Variants in COP1 observed in about 807,000 individuals in gnomAD.
COP1 encodes COP1 E3 ubiquitin ligase.
Under a neutral mutation model 101.3 loss-of-function variants are expected in COP1, and 24 were observed. The ratio of observed to expected loss-of-function variants is 0.24; its 90% confidence interval spans 0.17 to 0.33. COP1 has a LOEUF of 0.33. Ranked by LOEUF, COP1 falls within the 10% of genes least tolerant of loss-of-function variation. The pLI, the probability that COP1 is intolerant of heterozygous loss-of-function variation, is 1.00. For missense variants in COP1, 663 were observed against 906.2 expected (o/e 0.73, Z 3.45); for synonymous variants, 347 against 341.9 (o/e 1.01, Z -0.17).
intron 11 of COP1, among the ~76,000 whole-genome samples, chr1:176,059,063 C>T (rs1488701890): frequency 6.6e-6 from 1 of 152,230 alleles, no homozygotes; most frequent in Non-Finnish European, 1.5e-5. Context: ...AGGGACCTTA[C>T]AGGTGGTTGC....
At chr1:176,118,702 G>C (rs1686607954) in intron 8 of COP1, among the ~76,000 whole-genome samples, 1 of 152,148 alleles carries the variant, frequency 6.6e-6, no homozygotes, top group Admixed American at 6.6e-5. Context: ...GCTGCAATGA[G>C]CTATGCATCG....
intron 11 of COP1, among the ~76,000 whole-genome samples, chr1:176,073,241 C>G (rs912057544): frequency 6.6e-6 from 1 of 152,122 alleles, no homozygotes; most frequent in African/African-American, 2.4e-5. Context: ...GTAACACACT[C>G]CACATTACCA....
At chr1:176,131,923 A>T (rs1390304325) in intron 8 of COP1, among the ~76,000 whole-genome samples, 1 of 151,722 alleles carries the variant, frequency 6.6e-6, no homozygotes, top group Non-Finnish European at 1.5e-5. Context: ...CTGCTAACCC[A>T]TTTAACTCTG....
intron 8 of COP1, 59 bp downstream of exon 8, chr1:176,134,951 A>G: frequency 1.6e-6 from 2 of 1,270,018 alleles, no homozygotes; most frequent in Non-Finnish European, 2.3e-6. Flanking sequence ...CTAAAGGACT[A>G]GACCATATGC....
rs1671484167 is a variant in COP1 at position 176,046,128 on chromosome 1, T to C, written c.1421+53A>G. 9 of 1,392,440 alleles carry C rather than the reference T, an allele frequency of 6.5e-6. No individual in the cohort carries two copies. The Admixed American group carries it at 1.4e-4, about 21-fold the overall frequency. The allele number at this position is 1,392,440 out of a possible 1,614,324, so 86.3% of individuals were successfully genotyped here. ...GTAAAATAATCTCATGATAATTACATATGCAAATTGTTACATCTATACTGC... is the reference window on the plus strand; with the variant it reads ...GTAAAATAATCTCATGATAATTACACATGCAAATTGTTACATCTATACTGC... On this transcript the variant is annotated intron_variant, in intron 12 of 19. Coordinates refer to ENST00000367669, the MANE Select transcript of COP1 (RefSeq NM_022457.7).
intron 18 of COP1, among the ~76,000 whole-genome samples, chr1:175,963,924 A>G (rs1425458617): frequency 1.3e-5 from 2 of 152,190 alleles, no homozygotes; most frequent in Non-Finnish European, 2.9e-5. Flanking sequence ...CATATTGCAC[A>G]ATATTTGATG....
chr1:176,185,954 C>G (rs1698391137), intron 1 of COP1, among the ~76,000 whole-genome samples: 1 of 152,014 alleles, frequency 6.6e-6, no homozygotes, highest in African/African-American at 2.4e-5. Context: ...CCTTAGAATA[C>G]AGGAATGTAA....
At chr1:176,128,588 AC>A (rs1235337890) in intron 8 of COP1, among the ~76,000 whole-genome samples, 1 of 152,004 alleles carries the variant, frequency 6.6e-6, no homozygotes, top group African/African-American at 2.4e-5. Context: ...ACAGCAAAAC[AC>A]CATGTATGTT....
At position 176,078,275 on chromosome 1, in the gene COP1, T is replaced by C. The variant is rs374134292; in HGVS notation, c.1277+2877A>G. On this transcript the variant is annotated intron_variant, in intron 11 of 19. Coordinates refer to ENST00000367669, the MANE Select transcript of COP1 (RefSeq NM_022457.7). ...TCAGGCTACAATAACCAAAACAGTA[T>C]GGCACTGGTAGGTACAAAAACAGAC... Among the ~76,000 whole-genome samples, 9 of 152,228 alleles carry C rather than the reference T, an allele frequency of 5.9e-5. No individual in the cohort carries two copies. The East Asian group carries it at 1.7e-3, about 29-fold the overall frequency.
chr1:176,144,730 A>G (rs1399076239), intron 6 of COP1, among the ~76,000 whole-genome samples: 2 of 152,158 alleles, frequency 1.3e-5, no homozygotes, highest in East Asian at 1.9e-4. Flanking sequence ...CCACACATAC[A>G]TGGACACATG....
At chr1:176,076,596 CTAG>C (rs745953751) in intron 11 of COP1, among the ~76,000 whole-genome samples, 1 of 151,832 alleles carries the variant, frequency 6.6e-6, no homozygotes, top group Admixed American at 6.6e-5. Flanking sequence ...AATCCCAAAG[CTAG>C]TAGAAGAAAA....
chr1:176,181,115 C>T (rs1697685461), intron 2 of COP1, among the ~76,000 whole-genome samples: 2 of 152,110 alleles, frequency 1.3e-5, no homozygotes, highest in Non-Finnish European at 2.9e-5. Flanking sequence ...GCTACAGATA[C>T]AGGTAACAGT....
intron 5 of COP1, among the ~76,000 whole-genome samples, chr1:176,159,662 C>T (rs756384168): frequency 4.5e-4 from 68 of 152,132 alleles, no homozygotes; most frequent in Non-Finnish European, 4.0e-4. Flanking sequence ...ATATGAACCT[C>T]AAAAAGTAAA....
chr1:176,122,006 G>A (rs1647151970), intron 8 of COP1, among the ~76,000 whole-genome samples: 1 of 151,978 alleles, frequency 6.6e-6, no homozygotes, highest in Admixed American at 6.6e-5. Context: ...CGGGCATGGT[G>A]GCGGGCGCCT....
chr1:176,005,191 T>C (rs1031720116), intron 15 of COP1, among the ~76,000 whole-genome samples: 1 of 152,212 alleles, frequency 6.6e-6, no homozygotes, highest in Non-Finnish European at 1.5e-5. Flanking sequence ...GTGGGATCGG[T>C]GGTGATATCC....
intron 5 of COP1, among the ~76,000 whole-genome samples, chr1:176,159,454 C>T (rs1443363605): frequency 6.6e-6 from 1 of 152,102 alleles, no homozygotes; most frequent in African/African-American, 2.4e-5. Flanking sequence ...AGCAATCTGT[C>T]AATATCAAAT....
At chr1:176,201,318 G>C (rs1198587921) in intron 1 of COP1, among the ~76,000 whole-genome samples, 2 of 152,058 alleles carry the variant, frequency 1.3e-5, no homozygotes, top group African/African-American at 4.8e-5. Flanking sequence ...CGTCAAAAAA[G>C]CCTTTCCTCC....
At chr1:176,134,885 T>A in intron 8 of COP1, 125 bp downstream of exon 8, 1 of 620,338 alleles carries the variant, frequency 1.6e-6, no homozygotes, top group Non-Finnish European at 2.9e-6. Context: ...ATATCATTTC[T>A]AGATCATGAC....
At chr1:176,134,610 G>A (rs1414950056) in intron 8 of COP1, among the ~76,000 whole-genome samples, 1 of 151,944 alleles carries the variant, frequency 6.6e-6, no homozygotes, top group Non-Finnish European at 1.5e-5. Context: ...AAAGTGATCT[G>A]TCCAATAAAA....
Sources: allele counts gnomAD v4.1 joint callset (sites outside exome capture counted in the v4.1 genomes callset), GRCh38; gene constraint gnomAD v4.1.1; transcripts MANE v1.5; gene names NCBI Gene and HGNC (gene_info 2026-07-23, HGNC 2026-07-21).